SLIT3: variants seen among roughly 807,000 people sequenced by gnomAD.
SLIT3 encodes the protein slit guidance ligand 3.
SLIT3 carries 68 observed loss-of-function variants against 184.0 expected under a neutral mutation model. The ratio of observed to expected loss-of-function variants is 0.37; its 90% CI spans 0.30 to 0.45. SLIT3 has a LOEUF of 0.45. SLIT3 is among the 20% of genes least tolerant of loss of function. The probability of loss-of-function intolerance (pLI) is 1.00; values close to 1 mark genes in which losing one functional copy is unlikely to be tolerated. For missense variants in SLIT3, 1,707 were observed against 2,026.0 expected (o/e 0.84, Z 3.02); for synonymous variants, 831 against 828.6 (o/e 1.00, Z -0.05).
intron 4 of SLIT3, among the ~76,000 whole-genome samples, chr5:169,175,454 A>G (rs1201879894): frequency 6.6e-6 from 1 of 152,156 alleles, no homozygotes; most frequent in African/African-American, 2.4e-5. Flanking sequence ...ATTATTTATC[A>G]TCTCTGAGCC....
intron 4 of SLIT3, among the ~76,000 whole-genome samples, chr5:168,957,646 T>A (rs1006102951): frequency 6.6e-6 from 1 of 152,328 alleles, no homozygotes; most frequent in East Asian, 1.9e-4. Context: ...GAATCACTTG[T>A]GGAGCTGGTC....
chr5:169,065,719 C>T lies in SLIT3; in HGVS notation c.413+127760G>A, dbSNP rs138950044. 4.7e-4 allele frequency among the ~76,000 whole-genome samples: 72 copies of T among 152,312 alleles called. 2 individuals carry two copies. The Middle Eastern group carries it at 0.014, about 29-fold the overall frequency. On this transcript the variant is annotated intron_variant, in intron 4 of 35. Transcript: ENST00000519560. ...AGGGCAAGATCTCTGCAAATCCTCCCGGATAGCCCATTCCATAGGAGCTGG... is the reference window on the plus strand; with the variant it reads ...AGGGCAAGATCTCTGCAAATCCTCCTGGATAGCCCATTCCATAGGAGCTGG...
intron 13 of SLIT3, 120 bp from the exon 14 acceptor site, chr5:168,773,064 G>A (rs1015907561): frequency 2.1e-5 from 21 of 1,014,680 alleles, no homozygotes; most frequent in South Asian, 5.1e-5. Context: ...CTGCCTCATC[G>A]CCCCAGGAAG....
intron 6 of SLIT3, among the ~76,000 whole-genome samples, chr5:168,827,086 C>G (rs561560361): frequency 6.6e-6 from 1 of 152,274 alleles, no homozygotes; most frequent in South Asian, 2.1e-4. Flanking sequence ...TTTAATTCCT[C>G]CAATTATCCC....
chr5:169,129,770 A>G (rs1761223053), intron 4 of SLIT3, among the ~76,000 whole-genome samples: 1 of 152,144 alleles, frequency 6.6e-6, no homozygotes, highest in Non-Finnish European at 1.5e-5. Context: ...ACACCAAAAT[A>G]TAGTTTGGAG....
In SLIT3 at chr5:169,129,791, A is replaced by G. The variant is rs1581438830; in HGVS notation, c.413+63688T>C. On this transcript the variant is annotated intron_variant, in intron 4 of 35. Transcript: ENST00000519560. ...AAATATAGTTTGGAGTTCTGTTAAT[A>G]GTAATATACAAATGCCAGTTTCTTT... 2.0e-5 allele frequency among the ~76,000 whole-genome samples: 3 copies of G among 152,150 alleles called. No homozygotes were observed. In the East Asian group the frequency reaches 5.8e-4, roughly 29 times the overall value.
intron 4 of SLIT3, among the ~76,000 whole-genome samples, chr5:169,031,876 C>T (rs1757037800): frequency 6.6e-6 from 1 of 152,184 alleles, no homozygotes; most frequent in Non-Finnish European, 1.5e-5. Flanking sequence ...AGGTGGTTTT[C>T]CTTTGTTACA....
chr5:169,300,408 G>A lies in SLIT3; in HGVS notation c.197+105C>T. On this transcript the variant is annotated intron_variant, in intron 1 of 35. Transcript: ENST00000519560. This position sits in a 1 kb window ranked among gnomAD's most constrained non-coding sequence, Gnocchi z 4.1. The stretch of plus-strand genomic sequence containing the variant: ...GTATCCAGGAAGGGATGAGAATAGA[G>A]ACTGCATCCAGGGAGGCCGAGGGGA... 7.7e-7 allele frequency: 1 copy of A among 1,307,140 alleles called. No homozygotes were observed. The allele number at this position is 1,307,140 out of a possible 1,614,324, so 81.0% of individuals were successfully genotyped here.
At position 169,119,600 on chromosome 5, in the gene SLIT3, C is replaced by A. The variant is rs573275451; in HGVS notation, c.413+73879G>T. 6.6e-5 allele frequency among the ~76,000 whole-genome samples: 10 copies of A among 152,312 alleles called. No individual in the cohort carries two copies. The South Asian group carries it at 2.1e-3, about 32-fold the overall frequency. On this transcript the variant is annotated intron_variant, in intron 4 of 35. Transcript: ENST00000519560. ...CGTTTTCTGTCTACCAGGCTGGCAG[C>A]AGCAGCAGCAGAGCCCTTCCATATC...
At chr5:169,235,126 T>C (rs1765149412) in intron 3 of SLIT3, among the ~76,000 whole-genome samples, 1 of 152,174 alleles carries the variant, frequency 6.6e-6, no homozygotes, top group Admixed American at 6.5e-5. Flanking sequence ...TTTTGTTCCA[T>C]TGTTTTCTTC....
At chr5:169,154,282 C>T (rs1016709412) in intron 4 of SLIT3, among the ~76,000 whole-genome samples, 6 of 152,190 alleles carry the variant, frequency 3.9e-5, no homozygotes, top group African/African-American at 1.4e-4. Flanking sequence ...CTTTTCAGAG[C>T]TCTGGGTAAC....
intron 4 of SLIT3, among the ~76,000 whole-genome samples, chr5:169,089,314 TGA>T (rs754836032): frequency 3.1e-4 from 47 of 152,140 alleles, no homozygotes; most frequent in Non-Finnish European, 1.0e-4. Context: ...AACCTCTTCC[TGA>T]GAGTGTCTAA....
At chr5:169,194,445 T>A (rs76971405) in intron 3 of SLIT3, among the ~76,000 whole-genome samples, 1 of 152,214 alleles carries the variant, frequency 6.6e-6, no homozygotes, top group African/African-American at 2.4e-5. Context: ...GATTCCATTG[T>A]GAGTTTTGTG....
intron 5 of SLIT3, among the ~76,000 whole-genome samples, chr5:168,850,758 C>T (rs950684580): frequency 1.4e-4 from 21 of 152,158 alleles, no homozygotes; most frequent in Non-Finnish European, 2.6e-4. Context: ...ATCATAATGC[C>T]GTTCAACATA....
intron 4 of SLIT3, among the ~76,000 whole-genome samples, chr5:169,168,866 C>T: frequency 1.5e-5 from 1 of 67,512 alleles, no homozygotes; most frequent in Non-Finnish European, 3.0e-5. Flanking sequence ...GGAGAAGTTC[C>T]TTGATTGCTG....
At chr5:169,144,563 C>T (rs6555848) in intron 4 of SLIT3, among the ~76,000 whole-genome samples, 29,433 of 152,100 alleles carry the variant, frequency 0.19, 2,890 homozygotes, top group South Asian at 0.28. Context: ...AAATGTTTGA[C>T]AAGTAAGTGA....
intron 6 of SLIT3, among the ~76,000 whole-genome samples, chr5:168,841,534 G>C (rs73805247): frequency 0.077 from 11,754 of 152,226 alleles, 1,128 homozygotes; most frequent in African/African-American, 0.23. Flanking sequence ...TCGGGAATGA[G>C]TCAAAAATGA....
At chr5:169,266,578 C>A (rs1458167982) in intron 1 of SLIT3, among the ~76,000 whole-genome samples, 1 of 152,122 alleles carries the variant, frequency 6.6e-6, no homozygotes, top group Non-Finnish European at 1.5e-5. Flanking sequence ...TCCTAAGTGA[C>A]AATATGGATC....
At chr5:168,726,350 C>CAGGG (rs1763107476) in intron 20 of SLIT3, among the ~76,000 whole-genome samples, 2 of 63,418 alleles carry the variant, frequency 3.2e-5, no homozygotes, top group Admixed American at 2.1e-4. Flanking sequence ...GAGAGGGAGG[C>CAGGG]AGGGAGGGAG....
Sources: gnomAD v4.1 joint callset for allele counts (sites outside exome capture counted in the v4.1 genomes callset) on GRCh38, gnomAD v4.1.1 for gene constraint, Gnocchi (gnomAD v3.1) non-coding constraint, MANE v1.5 for transcripts, NCBI Gene and HGNC (gene_info 2026-07-23, HGNC 2026-07-21) for gene names.